ZSWIM8: variants seen among roughly 807,000 people sequenced by gnomAD.
ZSWIM8 encodes the protein zinc finger SWIM-type containing 8.
In ZSWIM8, 27 loss-of-function variants were observed where a neutral mutation model predicts 173.7. The observed-to-expected ratio is 0.16, with a 90% CI of 0.11 to 0.21. The LOEUF (loss-of-function observed/expected upper bound fraction) is 0.21. Ranked by LOEUF, ZSWIM8 falls within the 10% of genes least tolerant of loss-of-function variation. The pLI, the probability that ZSWIM8 is intolerant of heterozygous loss-of-function variation, is 1.00. For missense variants in ZSWIM8, 1,627 were observed against 2,428.8 expected (o/e 0.67, Z 6.94); for synonymous variants, 958 against 962.0 (o/e 1.00, Z 0.08).
At position 73,785,935 on chromosome 10, in the gene ZSWIM8, G is replaced by A; in HGVS notation, c.57G>A (p.Ser19=). 1 of 1,555,620 alleles carries A rather than the reference G, an allele frequency of 6.4e-7. No homozygotes were observed. Among genetic ancestry groups the A allele is most frequent in the Non-Finnish European group, 8.7e-7 (1 of 1,149,604 alleles). Reference sequence around the variant, plus strand: ...GAGAGCGCTTCTCATTCGAGGATTCGGACCGTTTTGAGGAGGATTCACTCT... The same window carrying A: ...GAGAGCGCTTCTCATTCGAGGATTCAGACCGTTTTGAGGAGGATTCACTCT... ...EDGERFSFED[S]DRFEEDSLCS... Residue 19 remains serine (S), a synonymous_variant, in exon 1 of 26, where the codon TCG becomes TCA. Coordinates refer to ENST00000604729, the MANE Select transcript of ZSWIM8 (RefSeq NM_001367799.1).
Position 73,799,358 on chromosome 10 carries a change from C to T in ZSWIM8, c.4533C>T (p.His1511=), listed in dbSNP as rs756428657. 17 of 1,611,728 alleles carry T rather than the reference C, an allele frequency of 1.1e-5. No homozygotes were observed. Among genetic ancestry groups the T allele is most frequent in the Non-Finnish European group, 1.4e-5 (17 of 1,179,086 alleles). ...GLGHGHSPGL[H]PYTALQPHLP... The stretch of plus-strand genomic sequence containing the variant: ...GGCATGGCCACTCCCCTGGCCTGCA[C>T]CCCTACACTGCTCTACAGCCCCACC... Residue 1511 remains histidine (H), a synonymous_variant, in exon 21 of 26, where the codon CAC becomes CAT. Transcript: ENST00000604729.
At position 73,795,615 on chromosome 10, in the gene ZSWIM8, A is replaced by G. The variant is rs374544915; in HGVS notation, c.2985A>G (p.Ala995=). 2.3e-5 allele frequency: 37 copies of G among 1,613,900 alleles called. No homozygotes were observed. The African/African-American group carries it at 3.9e-4, about 17-fold the overall frequency. The change falls in exon 15 of 26, where the codon GCA becomes GCG. Residue 995 remains alanine, a synonymous_variant. Transcript: ENST00000604729. ...EGTRREKGDL[A]LALMITYKDD... Reference sequence around the variant, plus strand: ...CACGTCGGGAGAAGGGTGACCTGGCATTAGCACTAATGATCACTTACAAGG... The same window carrying G: ...CACGTCGGGAGAAGGGTGACCTGGCGTTAGCACTAATGATCACTTACAAGG...
At chr10:73,794,823 C>T in intron 14 of ZSWIM8, 184 bp downstream of exon 14, 1 of 507,464 alleles carries the variant, frequency 2.0e-6, no homozygotes, top group Non-Finnish European at 3.5e-6. Context: ...CGTGGTGGCC[C>T]ATGCTTGTAA....
rs1042880911 is a variant in ZSWIM8, at chr10:73,791,774, A to G, written c.1320-85A>G. On this transcript the variant is annotated intron_variant, in intron 9 of 25. Coordinates refer to ENST00000604729, the MANE Select transcript of ZSWIM8 (RefSeq NM_001367799.1). This position sits in a 1 kb window ranked among gnomAD's most constrained non-coding sequence, Gnocchi z 6.0. ...AAGTACTTTCCTGTATCCTTTCCCCATGCCTCTCTTTGGGGTGTACACCTA... is the reference window on the plus strand; with the variant it reads ...AAGTACTTTCCTGTATCCTTTCCCCGTGCCTCTCTTTGGGGTGTACACCTA... 7.0e-6 allele frequency: 10 copies of G among 1,433,220 alleles called. No individual in the cohort carries two copies. The highest frequency in any genetic ancestry group is 9.2e-6 in the Non-Finnish European group (10 of 1,084,938). The allele number at this position is 1,433,220 out of a possible 1,614,324, so 88.8% of individuals were successfully genotyped here.
intron 10 of ZSWIM8, 58 bp from the exon 11 acceptor site, chr10:73,793,530 A>G: frequency 6.6e-7 from 1 of 1,522,908 alleles, no homozygotes; most frequent in Non-Finnish European, 8.8e-7. Context: ...AGTGAGCATG[A>G]TGTCCTGCTC....
Position 73,801,556 on chromosome 10 carries a change from C to T in ZSWIM8, c.*37C>T. 1 of 1,607,454 alleles carries T rather than the reference C, an allele frequency of 6.2e-7. No homozygotes were observed. The highest frequency in any genetic ancestry group is 8.5e-7 in the Non-Finnish European group (1 of 1,177,614). On this transcript the variant is annotated 3_prime_UTR_variant, in exon 26 of 26. Coordinates refer to ENST00000604729, the MANE Select transcript of ZSWIM8 (RefSeq NM_001367799.1). The surrounding 1 kb of genome is among the most constrained non-coding windows in gnomAD (Gnocchi z 4.9). ...TTAGGGTCCTATACAGGGACCCAGG[C>T]CTGTGGCTATGGGGGCCCCTCACAC...
At position 73,789,419 on chromosome 10, in the gene ZSWIM8, G is replaced by C. The variant is rs773394549; in HGVS notation, c.510G>C (p.Gly170=). ...VVPPQMVPPK[G]AYNVAVMFDR... ...CACCTCAGATGGTCCCTCCTAAAGG[G>C]GCCTACAACGTGGCTGTGATGTTTG... The change falls in exon 4 of 26, where the codon GGG becomes GGC. Residue 170 remains glycine, a synonymous_variant. Transcript: ENST00000604729. The surrounding 1 kb of genome is among the most constrained non-coding windows in gnomAD (Gnocchi z 6.8). 89 of 1,590,990 alleles carry C rather than the reference G, an allele frequency of 5.6e-5. No homozygotes were observed. The highest frequency in any genetic ancestry group is 7.3e-5 in the Non-Finnish European group (85 of 1,168,598).
In ZSWIM8 at chr10:73,797,700, T is replaced by C. The variant is rs1353320250; in HGVS notation, c.3663-81T>C. 2 of 1,565,634 alleles carry C rather than the reference T, an allele frequency of 1.3e-6. No individual in the cohort carries two copies. Among genetic ancestry groups the C allele is most frequent in the African/African-American group, 2.7e-5 (2 of 73,786 alleles). Reference sequence around the variant, plus strand: ...AACCATTGTCTCCCAGCATCCTCACTTTCCCTGGTCCTTCCCAACCTACCC... The same window carrying C: ...AACCATTGTCTCCCAGCATCCTCACCTTCCCTGGTCCTTCCCAACCTACCC... On this transcript the variant is annotated intron_variant, in intron 18 of 25. Transcript: ENST00000604729. The surrounding 1 kb of genome is among the most constrained non-coding windows in gnomAD (Gnocchi z 5.6).
chr10:73,789,398 T>C lies in ZSWIM8; in HGVS notation c.489T>C (p.Pro163=). Residue 163 remains proline (P), a synonymous_variant, in exon 4 of 26, where the codon CCT becomes CCC. Transcript: ENST00000604729. The surrounding 1 kb of genome is among the most constrained non-coding windows in gnomAD (Gnocchi z 6.8). ...GFHLSATVVP[P]QMVPPKGAYN... ...ACCTGAGTGCTACAGTGGTGCCACC[T>C]CAGATGGTCCCTCCTAAAGGGGCCT... 1.3e-6 allele frequency: 2 copies of C among 1,573,476 alleles called. No homozygotes were observed. The highest frequency in any genetic ancestry group is 1.7e-6 in the Non-Finnish European group (2 of 1,158,940).
rs375635948 is a variant in ZSWIM8 at position 73,795,645 on chromosome 10, C to T, written c.3015C>T (p.Asp1005=). The T allele has an allele frequency of 1.9e-6, 3 of 1,613,324 alleles. No homozygotes were observed. Residue 1005 remains aspartate, a synonymous_variant, in exon 15 of 26, where the codon GAC becomes GAT. Transcript: ENST00000604729. ...CACTAATGATCACTTACAAGGACGA[C>T]CAGGCCAAGCTTAAGAAGGTAAGAG... ...ALALMITYKD[D]QAKLKKILDK...
Position 73,797,488 on chromosome 10 carries a change from A to C in ZSWIM8, c.3545A>C (p.Gln1182Pro). 1.2e-6 allele frequency: 2 copies of C among 1,613,980 alleles called. No homozygotes were observed. The highest frequency in any genetic ancestry group is 1.7e-6 in the Non-Finnish European group (2 of 1,179,876). ...GCCCCCACCTCCTGGGGTCGAGGTC[A>C]GGACAGTGACAGCATTAGCAGCTCT... ...GWAPTSWGRG[Q>P]DSDSISSSSS... The change falls in exon 18 of 26, where the codon CAG (glutamine) becomes CCG (proline). Residue 1182 changes from glutamine (Q) to proline (P), a missense_variant. This residue lies in a region of ZSWIM8 where 72 missense variants were observed against 98.4 expected (regional missense o/e 0.73). Transcript: ENST00000604729. The surrounding 1 kb of genome is among the most constrained non-coding windows in gnomAD (Gnocchi z 5.6).
At chr10:73,799,903 A>ACT (rs1222223440) in intron 21 of ZSWIM8, 108 bp from the exon 22 acceptor site, 2 of 715,672 alleles carry the variant, frequency 2.8e-6, no homozygotes, top group East Asian at 5.0e-5. Flanking sequence ...ACAGAGCGAG[A>ACT]CTCTATCTCA....
rs1417837433 is a variant in ZSWIM8 at position 73,800,352 on chromosome 10, G to T, written c.4882G>T (p.Ala1628Ser). 3.1e-6 allele frequency: 5 copies of T among 1,613,934 alleles called. No homozygotes were observed. Among genetic ancestry groups the T allele is most frequent in the Non-Finnish European group, 4.2e-6 (5 of 1,179,874 alleles). Residue 1628 changes from alanine to serine, a missense_variant, in exon 23 of 26, where the codon GCC becomes TCC. Physicochemically the swap from Ala to Ser is moderately conservative, Grantham distance 99 (BLOSUM62 1). This residue lies in a region of ZSWIM8 where 275 missense variants were observed against 290.1 expected (regional missense o/e 0.95). Transcript: ENST00000604729. This position sits in a 1 kb window ranked among gnomAD's most constrained non-coding sequence, Gnocchi z 4.1. ...FPAIQGASLP[A>S]LTTQPSPLVS... ...AGCCATCCAAGGTGCCTCACTGCCT[G>T]CCCTGACCACACAGCCCAGCCCTCT...
chr10:73,790,410 C>G, intron 7 of ZSWIM8, 118 bp downstream of exon 7: 1 of 1,423,080 alleles, frequency 7.0e-7, no homozygotes, highest in Non-Finnish European at 9.5e-7. Flanking sequence ...CCTGAACTGG[C>G]ACAGTGCCTG....
chr10:73,787,623 G>A (rs2083272727), intron 1 of ZSWIM8, among the ~76,000 whole-genome samples: 1 of 152,098 alleles, frequency 6.6e-6, no homozygotes. Flanking sequence ...AGGCCGAGTC[G>A]GGTGGATCAC....
rs192587413 is a variant in ZSWIM8 at position 73,798,252 on chromosome 10, C to T, written c.3975C>T (p.Ser1325=). Residue 1325 remains serine, a synonymous_variant, in exon 20 of 26, where the codon AGC becomes AGT. Coordinates refer to ENST00000604729, the MANE Select transcript of ZSWIM8 (RefSeq NM_001367799.1). ...AAGGCCAGGCCATGGAGATAGGCAGCGCAGCCCTGACTATACTGGTAGAAT... is the reference window on the plus strand; with the variant it reads ...AAGGCCAGGCCATGGAGATAGGCAGTGCAGCCCTGACTATACTGGTAGAAT... ...WITGQAMEIG[S]AALTILVECW... is the part of the protein sequence containing the mutation. 1.3e-4 allele frequency: 209 copies of T among 1,614,038 alleles called. No individual in the cohort carries two copies. The highest frequency in any genetic ancestry group is 5.5e-4 in the Admixed American group (33 of 60,030).
In ZSWIM8 at chr10:73,800,702, C is replaced by A. The variant is rs2083905448; in HGVS notation, c.5065C>A (p.Arg1689Ser). The change falls in exon 24 of 26, where the codon CGC becomes AGC. Residue 1689 changes from arginine to serine, a missense_variant. By Grantham distance (110) the Arg-to-Ser change is moderately radical. Transcript: ENST00000604729. The surrounding 1 kb of genome is among the most constrained non-coding windows in gnomAD (Gnocchi z 4.1). ...AHNDHPNNFSRSPPYTDDVKW... is the reference protein window; with the variant it reads ...AHNDHPNNFSSSPPYTDDVKW... Reference sequence around the variant, plus strand: ...CAACGATCACCCCAACAACTTCTCCCGCTCCCCCCCCTACACTGATGATGT... The same window carrying A: ...CAACGATCACCCCAACAACTTCTCCAGCTCCCCCCCCTACACTGATGATGT... 6.2e-7 allele frequency: 1 copy of A among 1,613,618 alleles called. No homozygotes were observed. Among genetic ancestry groups the A allele is most frequent in the African/African-American group, 1.3e-5 (1 of 74,838 alleles).
chr10:73,793,497 G>A (rs2083496002), intron 10 of ZSWIM8, 91 bp from the exon 11 acceptor site: 4 of 1,439,100 alleles, frequency 2.8e-6, no homozygotes, highest in South Asian at 1.4e-5. Context: ...TGTAGCAAGT[G>A]TTCAAGGAAT....
chr10:73,793,748 C>T, intron 11 of ZSWIM8, 29 bp downstream of exon 11: 3 of 1,584,694 alleles, frequency 1.9e-6, no homozygotes, highest in Middle Eastern at 1.8e-4. Flanking sequence ...CTACCTTCCC[C>T]TCCCCCACTT....
Sources: gnomAD v4.1 joint callset for allele counts (sites outside exome capture counted in the v4.1 genomes callset) on GRCh38, gnomAD v4.1.1 for gene constraint, gnomAD v4.1.1 regional missense constraint, Gnocchi (gnomAD v3.1) non-coding constraint, MANE v1.5 for transcripts, NCBI Gene and HGNC (gene_info 2026-07-23, HGNC 2026-07-21) for gene names.